The following PLAG1 variants were observed in gnomAD, a reference collection of about 807,000 sequenced individuals.
The protein encoded by PLAG1 is PLAG1 zinc finger, also known as zinc finger protein PLAG1.
A neutral mutation model predicts 35.5 loss-of-function variants in PLAG1; 7 were observed. The ratio of observed to expected loss-of-function variants is 0.20; its 90% confidence interval spans 0.11 to 0.37. The LOEUF is 0.37. Ranked by LOEUF, PLAG1 falls within the 10% of genes least tolerant of loss-of-function variation. PLAG1 has a pLI of 1.00. For missense variants in PLAG1, 454 were observed against 602.8 expected (o/e 0.75, Z 2.58); for synonymous variants, 229 against 225.4 (o/e 1.02, Z -0.14).
intron 1 of PLAG1, among the ~76,000 whole-genome samples, chr8:56,208,397 G>A (rs564910691): frequency 5.7e-4 from 87 of 152,174 alleles, no homozygotes; most frequent in African/African-American, 2.0e-3. Flanking sequence ...TTCTTAGAAA[G>A]TTGTAATTGC....
chr8:56,189,714 A>T (rs577361061), intron 1 of PLAG1, among the ~76,000 whole-genome samples: 1 of 152,314 alleles, frequency 6.6e-6, no homozygotes, highest in South Asian at 2.1e-4. Flanking sequence ...AGCTTTGGAG[A>T]TGGGAATTTG....
At chr8:56,207,775 A>T (rs971576575) in intron 1 of PLAG1, among the ~76,000 whole-genome samples, 1 of 152,116 alleles carries the variant, frequency 6.6e-6, no homozygotes, top group Admixed American at 6.5e-5. Flanking sequence ...AGTATTTCTA[A>T]GGCATCACAA....
chr8:56,182,322 A>G (rs992545566), intron 1 of PLAG1, among the ~76,000 whole-genome samples: 2 of 152,200 alleles, frequency 1.3e-5, no homozygotes, highest in Non-Finnish European at 2.9e-5. Flanking sequence ...AGATATGAGG[A>G]AGAAAGACAA....
intron 2 of PLAG1, among the ~76,000 whole-genome samples, chr8:56,173,020 A>G (rs185363235): frequency 6.6e-6 from 1 of 152,324 alleles, no homozygotes; most frequent in African/African-American, 2.4e-5. Context: ...CAAGTTAACT[A>G]GTAAACAATA....
intron 1 of PLAG1, among the ~76,000 whole-genome samples, chr8:56,207,280 G>A (rs1482814763): frequency 6.6e-6 from 1 of 151,878 alleles, no homozygotes; most frequent in African/African-American, 2.4e-5. Context: ...CTTAAGACAG[G>A]AGCATCACAT....
At chr8:56,193,846 G>T (rs1468294217) in intron 1 of PLAG1, among the ~76,000 whole-genome samples, 1 of 151,854 alleles carries the variant, frequency 6.6e-6, no homozygotes, top group African/African-American at 2.4e-5. Flanking sequence ...CTGCTATTCG[G>T]TAGCAGGTAC....
chr8:56,208,123 G>A (rs963603475), intron 1 of PLAG1, among the ~76,000 whole-genome samples: 3 of 152,024 alleles, frequency 2.0e-5, no homozygotes, highest in Admixed American at 6.5e-5. Flanking sequence ...TTGTCAAAGT[G>A]GCAATTATTC....
At chr8:56,180,937 T>G (rs1023198068) in intron 1 of PLAG1, among the ~76,000 whole-genome samples, 4 of 152,110 alleles carry the variant, frequency 2.6e-5, no homozygotes, top group Non-Finnish European at 5.9e-5. Flanking sequence ...TTGAAACATA[T>G]GAAATGTTTC....
chr8:56,189,367 G>A (rs1004614361), intron 1 of PLAG1, among the ~76,000 whole-genome samples: 2 of 152,214 alleles, frequency 1.3e-5, no homozygotes, highest in African/African-American at 4.8e-5. Flanking sequence ...TGCAGTCACT[G>A]TTGCCATCTT....
intron 1 of PLAG1, among the ~76,000 whole-genome samples, chr8:56,203,201 C>T (rs540639242): frequency 1.3e-5 from 2 of 152,030 alleles, no homozygotes; most frequent in Non-Finnish European, 2.9e-5. Context: ...GTATTTTGTA[C>T]TTTGTTTACA....
In PLAG1 at chr8:56,161,276, C is replaced by A. The variant is rs1811191795; in HGVS notation, c.*4967G>T. The A allele has an allele frequency of 4.9e-6, 1 of 205,540 alleles. No individual in the cohort carries two copies. The highest frequency in any genetic ancestry group is 6.0e-5 in the Admixed American group (1 of 16,768). 12.7% of individuals were successfully genotyped at this position (205,540 alleles called of 1,614,324 possible). On this transcript the variant is annotated 3_prime_UTR_variant, in exon 5 of 5. Coordinates refer to ENST00000316981, the MANE Select transcript of PLAG1 (RefSeq NM_002655.3). ...TATTACAGAATAGCAATTTTAAATG[C>A]AATAAAAATATACAAAATTCGGCCT...
intron 1 of PLAG1, among the ~76,000 whole-genome samples, chr8:56,207,081 G>A (rs1373167301): frequency 2.0e-5 from 3 of 151,810 alleles, no homozygotes; most frequent in Non-Finnish European, 4.4e-5. Flanking sequence ...TTTCCTTGGG[G>A]ATGTGTGTAA....
intron 1 of PLAG1, among the ~76,000 whole-genome samples, chr8:56,197,725 T>C (rs144940152): frequency 1.3e-5 from 2 of 152,212 alleles, no homozygotes; most frequent in Non-Finnish European, 2.9e-5. Flanking sequence ...TGCATCCTTT[T>C]CCCTCATGCA....
chr8:56,186,906 G>C (rs1334967564), intron 1 of PLAG1, among the ~76,000 whole-genome samples: 3 of 151,962 alleles, frequency 2.0e-5, no homozygotes, highest in African/African-American at 7.3e-5. Context: ...AATAGAGATG[G>C]GGTTTCACCA....
At chr8:56,169,974 T>C (rs1811471733) in intron 3 of PLAG1, among the ~76,000 whole-genome samples, 1 of 152,254 alleles carries the variant, frequency 6.6e-6, no homozygotes, top group African/African-American at 2.4e-5. Context: ...ACCAAGTTAC[T>C]ATTAGACTGA....
Position 56,166,480 on chromosome 8 carries a change from A to G in PLAG1, c.1266T>C (p.Phe422=). The G allele has an allele frequency of 6.2e-7, 1 of 1,613,924 alleles. No homozygotes were observed. The highest frequency in any genetic ancestry group is 8.5e-7 in the Non-Finnish European group (1 of 1,179,858). ...NTPALDFSQL[F]NFIPLNGPPY... ...GAGGACCATTTAAAGGTATGAAATT[A>G]AACAACTGAGAAAAATCCAATGCTG... The change falls in exon 5 of 5, where the codon TTT becomes TTC. Residue 422 remains phenylalanine, a synonymous_variant. Transcript: ENST00000316981.
intron 1 of PLAG1, among the ~76,000 whole-genome samples, chr8:56,186,294 G>A (rs2129229629): frequency 6.6e-6 from 1 of 152,306 alleles, no homozygotes; most frequent in South Asian, 2.1e-4. Flanking sequence ...CAATCTTTGT[G>A]TGCCTTTGTT....
Position 56,189,806 on chromosome 8 carries a change from C to T in PLAG1, c.-321-10293G>A, listed in dbSNP as rs114318073. Among the ~76,000 whole-genome samples, 859 of 152,160 alleles carry T rather than the reference C, an allele frequency of 5.6e-3. 10 individuals are homozygous for T. Among genetic ancestry groups the T allele is most frequent in the African/African-American group, 0.02 (827 of 41,504 alleles). ...GGTGAGGCTGGAGAGGTGGGGAGTG[C>T]GTCCCAGTCGGGGGAGAAGAAGAAA... On this transcript the variant is annotated intron_variant, in intron 1 of 4. Coordinates refer to ENST00000316981, the MANE Select transcript of PLAG1 (RefSeq NM_002655.3).
At chr8:56,176,455 T>TA (rs1811699092) in intron 2 of PLAG1, among the ~76,000 whole-genome samples, 1 of 152,052 alleles carries the variant, frequency 6.6e-6, no homozygotes, top group Admixed American at 6.5e-5. Flanking sequence ...TTTATCAAAA[T>TA]AAAAAGACTT....
Sources: gnomAD v4.1 joint callset for allele counts (sites outside exome capture counted in the v4.1 genomes callset) on GRCh38, gnomAD v4.1.1 for gene constraint, MANE v1.5 for transcripts, NCBI Gene and HGNC (gene_info 2026-07-23, HGNC 2026-07-21) for gene names.